Variants in MICAL1 observed in about 807,000 individuals in gnomAD.
MICAL1 encodes the protein [F-actin]-monooxygenase MICAL1.
Under a neutral mutation model 131.8 loss-of-function variants are expected in MICAL1, and 95 were observed. The ratio of observed to expected loss-of-function variants is 0.72; its 90% confidence interval spans 0.61 to 0.86. MICAL1 has a LOEUF of 0.86. Among genes scored for constraint, MICAL1 ranks in the 40% least tolerant of loss-of-function variants. The probability of loss-of-function intolerance (pLI) is 0.00; values close to 1 mark genes in which losing one functional copy is unlikely to be tolerated. For missense variants in MICAL1, 1,292 were observed against 1,380.6 expected, an observed-to-expected ratio of 0.94 and a Z score of 1.02; for synonymous variants, 546 against 554.2, an observed-to-expected ratio of 0.99 and a Z score of 0.21.
intron 4 of MICAL1, 34 bp downstream of exon 4, chr6:109,453,223 TGGGGGA>T: frequency 6.5e-7 from 1 of 1,527,752 alleles, no homozygotes; most frequent in Non-Finnish European, 9.1e-7. Context: ...AAGTTCTTGA[TGGGGGA>T]GGGGGAGATT....
At chr6:109,445,068 G>A in intron 22 of MICAL1, 73 bp from the exon 23 acceptor site, 1 of 1,579,226 alleles carries the variant, frequency 6.3e-7, no homozygotes, top group Non-Finnish European at 8.7e-7. Context: ...AGGCTTAGGG[G>A]AGACAGGAGA....
intron 15 of MICAL1, 59 bp downstream of exon 15, chr6:109,447,622 T>G: frequency 6.2e-7 from 1 of 1,609,576 alleles, no homozygotes. Flanking sequence ...GGGAAGACAG[T>G]ACCAGGAAAG....
At chr6:109,456,058 T>TGG, upstream of MICAL1, 5 of 982,834 alleles carry the variant, frequency 5.1e-6, no homozygotes, top group Non-Finnish European at 6.0e-6. Flanking sequence ...CTGGGGCCTC[T>TGG]GGGTGGGTCT....
rs1775484801 is a variant in MICAL1, at chr6:109,450,324, T to C, written c.1167A>G (p.Gly389=). The C allele has an allele frequency of 2.5e-6, 4 of 1,608,404 alleles. No homozygotes were observed. In the African/African-American group the frequency reaches 4.0e-5, roughly 16 times the overall value. The change falls in exon 8 of 25, where the codon GGA becomes GGG. Residue 389 remains glycine, a synonymous_variant. Transcript: ENST00000358807. ...QEKHGARLLL[G]LVGDCLVEPF... is the part of the protein sequence containing the mutation. ...CCTCCACCAGGCAGTCCCCCACCAG[T>C]CCCAGCAGCAGGCGGGCGCCATGCT...
intron 24 of MICAL1, 128 bp downstream of exon 24, chr6:109,444,596 TG>T: frequency 8.2e-7 from 1 of 1,213,290 alleles, no homozygotes; most frequent in Non-Finnish European, 1.2e-6. Flanking sequence ...CCCCCTCCTC[TG>T]GCTTCCTCCT....
At position 109,447,109 on chromosome 6, in the gene MICAL1, G is replaced by C. The variant is rs780187357; in HGVS notation, c.2191C>G (p.Leu731Val). 6.8e-6 allele frequency: 11 copies of C among 1,614,042 alleles called. No individual in the cohort carries two copies. The highest frequency in any genetic ancestry group is 9.3e-6 in the Non-Finnish European group (11 of 1,180,018). Reference sequence around the variant, plus strand: ...TGCTGCTCGTAGCCACCTGGCCACAGTGTGGCCTCACAGGTATGGCAGCGG... The same window carrying C: ...TGCTGCTCGTAGCCACCTGGCCACACTGTGGCCTCACAGGTATGGCAGCGG... Reference protein sequence around the residue: ...CFRCHTCEATLWPGGYEQHPG... With the variant: ...CFRCHTCEATVWPGGYEQHPG... The change falls in exon 17 of 25, where the codon CTG (leucine) becomes GTG (valine). Residue 731 changes from leucine to valine, a missense_variant. By Grantham distance (32) the Leu-to-Val change is conservative (BLOSUM62 1). Transcript: ENST00000358807.
upstream of MICAL1, among the ~76,000 whole-genome samples, chr6:109,456,779 C>A (rs75846036): frequency 0.017 from 2,552 of 152,298 alleles, 83 homozygotes; most frequent in African/African-American, 0.059. Flanking sequence ...ACCTCAACAT[C>A]AGTGCTTGCA....
chr6:109,465,332 A>G (rs1776007305), intron 1 of MICAL1: 1 of 331,130 alleles, frequency 3.0e-6, no homozygotes, highest in African/African-American at 2.1e-5. Context: ...GGGACTGGAA[A>G]TTATTAAAAG....
rs2115331393 is a variant in MICAL1 at position 109,449,048 on chromosome 6, C to G, written c.1517-169G>C. 6.8e-6 allele frequency: 6 copies of G among 881,688 alleles called. No homozygotes were observed. In the South Asian group the frequency reaches 8.8e-5, roughly 13 times the overall value. The allele number at this position is 881,688 out of a possible 1,614,324, so 54.6% of individuals were successfully genotyped here. The stretch of plus-strand genomic sequence containing the variant: ...ATCAGCAGCTCTCCATCCCAATTCT[C>G]TTTTAAAAAAAATCTCTTTGGAATA... On this transcript the variant is annotated intron_variant, in intron 11 of 24. Coordinates refer to ENST00000358807, the MANE Select transcript of MICAL1 (RefSeq NM_022765.4).
intron 7 of MICAL1, 117 bp from the exon 8 acceptor site, chr6:109,450,674 C>A: frequency 8.7e-7 from 1 of 1,150,852 alleles, no homozygotes; most frequent in East Asian, 2.6e-5. Flanking sequence ...GAAGGGGCTG[C>A]CCTAGACTAC....
At position 109,449,478 on chromosome 6, in the gene MICAL1, G is replaced by A. The variant is rs762204959; in HGVS notation, c.1438C>T (p.Arg480Ter). Residue 480 changes from arginine to a stop codon, truncating the protein, a stop_gained, in exon 11 of 25, where the codon CGA becomes TGA. Transcript: ENST00000358807. LOFTEE classifies it high-confidence loss of function. Reference sequence around the variant, plus strand: ...TTGGCTAGCACATCATACAGGTCTCGTACCTAAGGCAGCCCCGCTCAGGTC... The same window carrying A: ...TTGGCTAGCACATCATACAGGTCTCATACCTAAGGCAGCCCCGCTCAGGTC... ...NLRAVTPNQV[R>*]DLYDVLAKEP... 14 of 1,614,072 alleles carry A rather than the reference G, an allele frequency of 8.7e-6. No homozygotes were observed. In the African/African-American group the frequency reaches 1.2e-4, roughly 14 times the overall value.
At chr6:109,446,905 A>G (rs1582639482) in intron 17 of MICAL1, 133 bp from the exon 18 acceptor site, 3 of 1,228,356 alleles carry the variant, frequency 2.4e-6, no homozygotes, top group African/African-American at 1.5e-5. Context: ...CCTGTTCCTC[A>G]GAACCACACA....
chr6:109,453,883 T>A (rs1448477619), intron 2 of MICAL1, 38 bp from the exon 3 acceptor site: 1 of 1,610,478 alleles, frequency 6.2e-7, no homozygotes, highest in Non-Finnish European at 8.5e-7. Context: ...TGGCATCCTG[T>A]CCGTCCTCTG....
chr6:109,452,191 G>T, intron 6 of MICAL1, 55 bp downstream of exon 6: 1 of 1,564,968 alleles, frequency 6.4e-7, no homozygotes, highest in South Asian at 1.2e-5. Flanking sequence ...GGAGAGGCAG[G>T]AGCCAGGCCA....
At chr6:109,445,578 G>T in intron 20 of MICAL1, 49 bp from the exon 21 acceptor site, 1 of 1,600,168 alleles carries the variant, frequency 6.2e-7, no homozygotes, top group East Asian at 2.2e-5. Context: ...CCCCCTGGTG[G>T]ATAGGAGTGT....
Position 109,452,503 on chromosome 6 carries a change from T to C in MICAL1, c.676+8A>G. ...ATGCTGGCTTCTTTGAGGGAAGTGATCACTCACCTTCAGGGACGAATTTAC... is the reference window on the plus strand; with the variant it reads ...ATGCTGGCTTCTTTGAGGGAAGTGACCACTCACCTTCAGGGACGAATTTAC... On this transcript the variant is annotated splice_region_variant and intron_variant, in intron 5 of 24. Transcript: ENST00000358807. 1 of 1,613,584 alleles carries C rather than the reference T, an allele frequency of 6.2e-7. No homozygotes were observed.
At chr6:109,461,369 T>C (rs899825369) in intron 1 of MICAL1, among the ~76,000 whole-genome samples, 3 of 152,184 alleles carry the variant, frequency 2.0e-5, no homozygotes, top group African/African-American at 2.4e-5. Flanking sequence ...AAATCAATAG[T>C]AGTGAAACAC....
chr6:109,445,947 G>A (rs972604432), intron 19 of MICAL1, 85 bp from the exon 20 acceptor site: 4 of 1,537,408 alleles, frequency 2.6e-6, no homozygotes, highest in African/African-American at 1.4e-5. Flanking sequence ...CGGAGGCCCT[G>A]CAAGTCTGGT....
At chr6:109,451,818 C>T (rs1420529175) in intron 6 of MICAL1, 118 bp from the exon 7 acceptor site, 1 of 1,496,312 alleles carries the variant, frequency 6.7e-7, no homozygotes, top group Non-Finnish European at 8.9e-7. Context: ...GCGGTGAGTG[C>T]TCCACGCATA....
Sources: allele counts gnomAD v4.1 joint callset (sites outside exome capture counted in the v4.1 genomes callset), GRCh38; gene constraint gnomAD v4.1.1; transcripts MANE v1.5; gene names NCBI Gene and HGNC (gene_info 2026-07-23, HGNC 2026-07-21).